Variants in POFUT3 observed in about 807,000 individuals in gnomAD.
POFUT3 encodes protein O-fucosyltransferase 3, also known as GDP-fucose protein O-fucosyltransferase 3.
the POFUT3 span, among the ~76,000 whole-genome samples, chr8:33,450,130 G>A: frequency 2.6e-5 from 4 of 151,662 alleles, no homozygotes; most frequent in African/African-American, 4.8e-5. Flanking sequence ...TAGTAGAGAC[G>A]GGGTTTCACC....
the POFUT3 span, among the ~76,000 whole-genome samples, chr8:33,423,468 C>A: frequency 3.3e-5 from 5 of 152,020 alleles, no homozygotes; most frequent in East Asian, 9.7e-4. Context: ...TAGGGTCTCA[C>A]TATGTTGCCC....
At chr8:33,332,587 G>A in the POFUT3 span, among the ~76,000 whole-genome samples, 1 of 152,078 alleles carries the variant, frequency 6.6e-6, no homozygotes, top group South Asian at 2.1e-4. Context: ...AGCGTGAGTG[G>A]GTGCTAAGTA....
the POFUT3 span, among the ~76,000 whole-genome samples, chr8:33,441,200 G>A: frequency 6.6e-6 from 1 of 151,254 alleles, no homozygotes; most frequent in African/African-American, 2.4e-5. Context: ...GCATGGTGGT[G>A]CACGCCTGTA....
the POFUT3 span, among the ~76,000 whole-genome samples, chr8:33,446,765 GA>G: frequency 6.6e-6 from 1 of 152,128 alleles, no homozygotes; most frequent in Non-Finnish European, 1.5e-5. Context: ...TTATAAGCAT[GA>G]ATCTCCTATG....
At chr8:33,323,270 CA>C in the POFUT3 span, among the ~76,000 whole-genome samples, 1 of 152,168 alleles carries the variant, frequency 6.6e-6, no homozygotes, top group African/African-American at 2.4e-5. Flanking sequence ...CAAACCCCAT[CA>C]CAATATTCTG....
the POFUT3 span, chr8:33,389,693 T>G: frequency 6.2e-7 from 1 of 1,614,170 alleles, no homozygotes; most frequent in South Asian, 1.1e-5. Flanking sequence ...GATCACTGGT[T>G]TATGAAAGAG....
At chr8:33,388,255 C>A in the POFUT3 span, among the ~76,000 whole-genome samples, 190 of 149,960 alleles carry the variant, frequency 1.3e-3, 3 homozygotes, top group East Asian at 0.036. Flanking sequence ...AGAGGTCTGG[C>A]AGAAATTATC....
At chr8:33,462,109 G>C in the POFUT3 span, among the ~76,000 whole-genome samples, 1 of 145,512 alleles carries the variant, frequency 6.9e-6, no homozygotes, top group Non-Finnish European at 1.5e-5. Flanking sequence ...GCAGTGAGTA[G>C]CCTGGGTAAC....
the POFUT3 span, among the ~76,000 whole-genome samples, chr8:33,435,222 AT>A: frequency 5.4e-3 from 775 of 144,364 alleles, 5 homozygotes; most frequent in Admixed American, 7.6e-3. Flanking sequence ...TTTTAATTTA[AT>A]TTTTTTTTTT....
At chr8:33,376,573 G>A in the POFUT3 span, among the ~76,000 whole-genome samples, 71 of 152,254 alleles carry the variant, frequency 4.7e-4, no homozygotes, top group Non-Finnish European at 6.9e-4. Context: ...TTTCTCTTGG[G>A]AACCACTGAT....
chr8:33,330,607 G>C, the POFUT3 span, among the ~76,000 whole-genome samples: 1 of 152,052 alleles, frequency 6.6e-6, no homozygotes, highest in Non-Finnish European at 1.5e-5. Flanking sequence ...TTTAAATTCT[G>C]GCTCTACCAC....
At chr8:33,356,544 G>T in the POFUT3 span, among the ~76,000 whole-genome samples, 332 of 150,968 alleles carry the variant, frequency 2.2e-3, 1 homozygote, top group Admixed American at 3.6e-3. Context: ...TAAATTTGTT[G>T]GAGTTCATTG....
the POFUT3 span, among the ~76,000 whole-genome samples, chr8:33,415,764 C>T: frequency 6.6e-6 from 1 of 152,180 alleles, no homozygotes; most frequent in East Asian, 1.9e-4. Context: ...GCTTATGTTA[C>T]TCAAACACTT....
chr8:33,464,565 C>T, the POFUT3 span, among the ~76,000 whole-genome samples: 1 of 152,102 alleles, frequency 6.6e-6, no homozygotes, highest in Admixed American at 6.6e-5. Flanking sequence ...ATCCCAACAG[C>T]TTGGGAGGCC....
the POFUT3 span, among the ~76,000 whole-genome samples, chr8:33,355,831 G>A: frequency 1.3e-5 from 2 of 151,792 alleles, no homozygotes; most frequent in Non-Finnish European, 2.9e-5. Context: ...CTCCCCCAAC[G>A]CCACAACAGT....
the POFUT3 span, among the ~76,000 whole-genome samples, chr8:33,403,762 T>C: frequency 6.6e-6 from 1 of 152,128 alleles, no homozygotes; most frequent in Non-Finnish European, 1.5e-5. Context: ...TATAATGGGT[T>C]AATTTTATAT....
the POFUT3 span, among the ~76,000 whole-genome samples, chr8:33,395,643 A>G: frequency 1.3e-5 from 2 of 152,052 alleles, no homozygotes; most frequent in South Asian, 4.2e-4. Context: ...CGTAGGTTCA[A>G]GAGGCTGTCA....
chr8:33,364,648 T>C, the POFUT3 span, among the ~76,000 whole-genome samples: 1 of 152,020 alleles, frequency 6.6e-6, no homozygotes, highest in Admixed American at 6.6e-5. Flanking sequence ...AAATCATGAG[T>C]GAACTCCCAT....
At chr8:33,418,082 C>T in the POFUT3 span, among the ~76,000 whole-genome samples, 5 of 152,146 alleles carry the variant, frequency 3.3e-5, no homozygotes, top group African/African-American at 1.2e-4. Flanking sequence ...GCTACAGCAA[C>T]GCACCATTTT....
Sources: gnomAD v4.1 joint callset for allele counts (sites outside exome capture counted in the v4.1 genomes callset) on GRCh38, gnomAD v4.1.1 for gene constraint, MANE v1.5 for transcripts, NCBI Gene and HGNC (gene_info 2026-07-23, HGNC 2026-07-21) for gene names.